PHLDB2: variants seen among roughly 807,000 people sequenced by gnomAD.
The protein encoded by PHLDB2 is pleckstrin homology like domain family B member 2.
A neutral mutation model predicts 123.6 loss-of-function variants in PHLDB2; 71 were observed. The observed-to-expected ratio is 0.57, with a 90% CI of 0.47 to 0.70. The LOEUF (loss-of-function observed/expected upper bound fraction) is 0.70. PHLDB2 is among the 30% of genes least tolerant of loss of function. The pLI, the probability that PHLDB2 is intolerant of heterozygous loss-of-function variation, is 0.00. For missense variants in PHLDB2, 1,446 were observed against 1,519.5 expected (o/e 0.95, Z 0.80); for synonymous variants, 547 against 541.6 (o/e 1.01, Z -0.14).
At position 111,760,433 on chromosome 3, in the gene PHLDB2, C is replaced by T. The variant is rs1388542367; in HGVS notation, c.-49+27730C>T. Among the ~76,000 whole-genome samples the T allele has an allele frequency of 2.6e-5, 4 of 152,162 alleles. No individual in the cohort carries two copies. The South Asian group carries it at 6.2e-4, about 24-fold the overall frequency. On this transcript the variant is annotated intron_variant, in intron 1 of 17. Coordinates refer to the PHLDB2 transcript ENST00000393923. The stretch of plus-strand genomic sequence containing the variant: ...AGGTCTCATCAATAACCATAGCTTC[C>T]ATTTTCTGTCAAAGTCAAATAAAAT...
chr3:111,932,810 A>G (rs1238023583), intron 6 of PHLDB2, among the ~76,000 whole-genome samples: 2 of 151,888 alleles, frequency 1.3e-5, no homozygotes, highest in Admixed American at 6.6e-5. Context: ...AGATTATCCT[A>G]TTTTCTGATT....
chr3:111,949,084 G>C lies in PHLDB2; in HGVS notation c.2631+9G>C, dbSNP rs758378719. The C allele has an allele frequency of 6.2e-7, 1 of 1,612,786 alleles. No individual in the cohort carries two copies. The highest frequency in any genetic ancestry group is 1.1e-5 in the South Asian group (1 of 91,000). ...AGCCACAGAGTAAAGAGGTGTGTAG[G>C]CATGACGTTTCATTCATTCACTGCT... On this transcript the variant is annotated intron_variant, in intron 10 of 17. Coordinates refer to ENST00000431670, the MANE Select transcript of PHLDB2 (RefSeq NM_001134438.2).
At chr3:111,823,643 T>C (rs1418836802) in intron 1 of PHLDB2, among the ~76,000 whole-genome samples, 1 of 152,222 alleles carries the variant, frequency 6.6e-6, no homozygotes, top group Non-Finnish European at 1.5e-5. Context: ...CATCTACATA[T>C]AGATAAATTC....
At chr3:111,762,199 A>G (rs2060008019) in intron 1 of PHLDB2, among the ~76,000 whole-genome samples, 1 of 152,200 alleles carries the variant, frequency 6.6e-6, no homozygotes, top group Admixed American at 6.5e-5. Context: ...TTACTTTTCT[A>G]AACTGCAGTA....
chr3:111,892,879 C>T (rs7616176), intron 2 of PHLDB2, among the ~76,000 whole-genome samples: 91,860 of 151,996 alleles, frequency 0.6, 28,516 homozygotes, highest in East Asian at 0.94. Flanking sequence ...ATAAAATAAA[C>T]TTATATGTTC....
intron 1 of PHLDB2, among the ~76,000 whole-genome samples, chr3:111,734,457 C>T (rs529279537): frequency 5.3e-5 from 8 of 152,220 alleles, no homozygotes; most frequent in African/African-American, 1.7e-4. Flanking sequence ...CATATTTCCC[C>T]ACATTACTGA....
chr3:111,935,262 G>C (rs900528427), intron 6 of PHLDB2, among the ~76,000 whole-genome samples: 1 of 151,734 alleles, frequency 6.6e-6, no homozygotes, highest in African/African-American at 2.4e-5. Flanking sequence ...ACCATGCCTG[G>C]CTCATTTTTC....
At chr3:111,778,846 T>A (rs920035650) in intron 1 of PHLDB2, among the ~76,000 whole-genome samples, 1 of 152,070 alleles carries the variant, frequency 6.6e-6, no homozygotes, top group Non-Finnish European at 1.5e-5. Context: ...AACTGAGGGA[T>A]CACACTTTCT....
At chr3:111,866,928 GGGGTGTGT>G (rs775756278) in intron 1 of PHLDB2, among the ~76,000 whole-genome samples, 19,790 of 81,064 alleles carry the variant, frequency 0.24, 1,475 homozygotes, top group Non-Finnish European at 0.3. Flanking sequence ...AAGTTTCTAA[GGGGTGTGT>G]GTGTGTGTGT....
intron 2 of PHLDB2, among the ~76,000 whole-genome samples, chr3:111,896,778 A>G (rs558521083): frequency 1.3e-5 from 2 of 152,310 alleles, no homozygotes; most frequent in African/African-American, 2.4e-5. Context: ...AAAATCCAAA[A>G]CAAGCATTAC....
At chr3:111,886,505 C>A (rs1172292077) in intron 2 of PHLDB2, among the ~76,000 whole-genome samples, 11 of 151,576 alleles carry the variant, frequency 7.3e-5, no homozygotes, top group African/African-American at 2.7e-4. Context: ...TGGCCCAAGA[C>A]AATTCTTCTC....
intron 2 of PHLDB2, among the ~76,000 whole-genome samples, chr3:111,910,595 T>A (rs1440271891): frequency 1.3e-5 from 2 of 152,226 alleles, no homozygotes; most frequent in African/African-American, 4.8e-5. Context: ...TTATTAACAG[T>A]GCCCTCTTTG....
intron 1 of PHLDB2, among the ~76,000 whole-genome samples, chr3:111,831,435 G>A (rs1177738030): frequency 7.1e-6 from 1 of 140,458 alleles, no homozygotes; most frequent in Non-Finnish European, 1.5e-5. Flanking sequence ...GAGCACATTT[G>A]TAGGGACAGT....
At position 111,919,194 on chromosome 3, in the gene PHLDB2, G is replaced by A. The variant is rs1259411978; in HGVS notation, c.1842G>A (p.Gln614=). The A allele has an allele frequency of 6.2e-7, 1 of 1,614,106 alleles. No homozygotes were observed. Among genetic ancestry groups the A allele is most frequent in the Admixed American group, 1.7e-5 (1 of 60,024 alleles). ...LKQKIKDIND[Q]MDESFRELDM... Reference sequence around the variant, plus strand: ...AAAAAATCAAAGACATAAATGATCAGATGGATGAGTCTTTCAGAGAGGTAA... The same window carrying A: ...AAAAAATCAAAGACATAAATGATCAAATGGATGAGTCTTTCAGAGAGGTAA... Residue 614 remains glutamine, a synonymous_variant, in exon 4 of 18, where the codon CAG becomes CAA. Coordinates refer to ENST00000431670, the MANE Select transcript of PHLDB2 (RefSeq NM_001134438.2).
chr3:111,902,695 G>A (rs6785554), intron 2 of PHLDB2, among the ~76,000 whole-genome samples: 50,112 of 151,942 alleles, frequency 0.33, 8,646 homozygotes, highest in East Asian at 0.65. Flanking sequence ...CTGGAGTGCA[G>A]TGGTGTGGTC....
chr3:111,743,934 C>T (rs1230464761), intron 1 of PHLDB2, among the ~76,000 whole-genome samples: 1 of 152,060 alleles, frequency 6.6e-6, no homozygotes, highest in Non-Finnish European at 1.5e-5. Flanking sequence ...GGAAGAATAT[C>T]TATAAAAGTT....
intron 1 of PHLDB2, among the ~76,000 whole-genome samples, chr3:111,781,177 T>A (rs2060460793): frequency 6.6e-6 from 1 of 152,066 alleles, no homozygotes; most frequent in Admixed American, 6.6e-5. Flanking sequence ...AAAAACTAAA[T>A]GCCTTAAAAT....
chr3:111,834,369 G>A (rs1411046319), intron 1 of PHLDB2, among the ~76,000 whole-genome samples: 1 of 140,676 alleles, frequency 7.1e-6, no homozygotes, highest in African/African-American at 2.6e-5. Context: ...TATATATATA[G>A]TCATCTGATT....
chr3:111,817,575 A>C lies in PHLDB2; in HGVS notation c.-48-28246A>C, dbSNP rs551759160. On this transcript the variant is annotated intron_variant, in intron 1 of 17. Transcript: ENST00000393923. ...TATTCTTTACTTTTCAAATTAAGGC[A>C]CAAGAACAACTTGTATCCCTTAACC... is the stretch of plus-strand genomic sequence containing the variant. 2.2e-4 allele frequency among the ~76,000 whole-genome samples: 33 copies of C among 152,348 alleles called. No individual in the cohort carries two copies. The South Asian group carries it at 6.0e-3, about 28-fold the overall frequency.
Sources: allele counts gnomAD v4.1 joint callset (sites outside exome capture counted in the v4.1 genomes callset), GRCh38; gene constraint gnomAD v4.1.1; transcripts MANE v1.5; gene names NCBI Gene and HGNC (gene_info 2026-07-23, HGNC 2026-07-21).